Variants in ZC3H12D observed in about 807,000 individuals in gnomAD.
ZC3H12D encodes the protein zinc finger CCCH-type containing 12D, also known as probable ribonuclease ZC3H12D.
A neutral mutation model predicts 24.2 loss-of-function variants in ZC3H12D; 11 were observed. The ratio of observed to expected loss-of-function variants is 0.46; its 90% confidence interval spans 0.29 to 0.75. The LOEUF is 0.75. ZC3H12D is among the 30% of genes least tolerant of loss of function. The pLI is 0.11. For missense variants in ZC3H12D, 740 were observed against 767.7 expected, an observed-to-expected ratio of 0.96 and a Z score of 0.43; for synonymous variants, 333 against 341.8, an observed-to-expected ratio of 0.97 and a Z score of 0.28.
intron 5 of ZC3H12D, 122 bp from the exon 6 acceptor site, chr6:149,451,601 G>T: frequency 1.2e-6 from 1 of 853,340 alleles, no homozygotes; most frequent in Non-Finnish European, 1.7e-6. Context: ...CTCCAAGCAG[G>T]CCCCCAGGCC....
chr6:149,453,707 A>G (rs1257065178), intron 4 of ZC3H12D, among the ~76,000 whole-genome samples: 2 of 152,152 alleles, frequency 1.3e-5, no homozygotes, highest in Non-Finnish European at 1.5e-5. Flanking sequence ...CTGGCTTCCC[A>G]CTGTCCTCAA....
chr6:149,458,414 C>T (rs1002768575), intron 3 of ZC3H12D, among the ~76,000 whole-genome samples: 3 of 152,076 alleles, frequency 2.0e-5, no homozygotes, highest in Admixed American at 2.0e-4. Context: ...GGATTACAGG[C>T]GTGAGTCACC....
chr6:149,470,201 A>G (rs1776222940), intron 2 of ZC3H12D, among the ~76,000 whole-genome samples: 1 of 152,148 alleles, frequency 6.6e-6, no homozygotes, highest in South Asian at 2.1e-4. Context: ...TCTACTAAAA[A>G]TACAAAAAAT....
intron 1 of ZC3H12D, among the ~76,000 whole-genome samples, chr6:149,481,415 C>T (rs1277874477): frequency 4.6e-5 from 7 of 150,734 alleles, no homozygotes; most frequent in Non-Finnish European, 8.8e-5. Context: ...TGCTCTGTCG[C>T]CCAGGCTGGA....
chr6:149,450,817 C>A lies in ZC3H12D; in HGVS notation c.1450G>T (p.Ala484Ser). 6.5e-7 allele frequency: 1 copy of A among 1,547,598 alleles called. No homozygotes were observed. Reference sequence around the variant, plus strand: ...TCACGCGGGAAGACGCTGTAGAGCGCGATGCGAGCCCGGGCGCGCGCGTCC... The same window carrying A: ...TCACGCGGGAAGACGCTGTAGAGCGAGATGCGAGCCCGGGCGCGCGCGTCC... ...EGDARARARI[A>S]LYSVFPRDQV... The change falls in exon 6 of 6, where the codon GCG becomes TCG. Residue 484 changes from alanine (A) to serine (S), a missense_variant. Physicochemically the swap from Ala to Ser is moderately conservative, Grantham distance 99. Transcript: ENST00000409806.
chr6:149,456,746 G>A lies in ZC3H12D; in HGVS notation c.600C>T (p.Tyr200=), dbSNP rs781042133. The A allele has an allele frequency of 2.5e-6, 4 of 1,613,706 alleles. No homozygotes were observed. In the African/African-American group the frequency reaches 5.3e-5, roughly 22 times the overall value. The change falls in exon 4 of 6, where the codon TAC becomes TAT. Residue 200 remains tyrosine (Y), a synonymous_variant. Coordinates refer to ENST00000409806, the MANE Select transcript of ZC3H12D (RefSeq NM_207360.3). The surrounding 1 kb of genome is among the most constrained non-coding windows in gnomAD (Gnocchi z 4.3). The part of the protein sequence containing the change: ...QDGVIVSNDN[Y]RDLQSENPEW... ...CGGGGTTCTCGCTCTGCAGGTCCCG[G>A]TAGTTGTCGTTGGAGACGATGACGC...
At chr6:149,455,375 T>G (rs1775962878) in intron 4 of ZC3H12D, among the ~76,000 whole-genome samples, 1 of 152,148 alleles carries the variant, frequency 6.6e-6, no homozygotes, top group Non-Finnish European at 1.5e-5. Context: ...GTCCCGGCCC[T>G]CACAGAGCTG....
At chr6:149,459,130 T>C (rs892313440) in intron 3 of ZC3H12D, among the ~76,000 whole-genome samples, 1 of 146,710 alleles carries the variant, frequency 6.8e-6, no homozygotes, top group Non-Finnish European at 1.5e-5. Flanking sequence ...TAGTCAAATG[T>C]ATTCATCTTT....
rs1562472119 is a variant in ZC3H12D, at chr6:149,456,421, G to C, written c.680+245C>G. Among the ~76,000 whole-genome samples, 1 of 151,936 alleles carries C rather than the reference G, an allele frequency of 6.6e-6. No homozygotes were observed. Among genetic ancestry groups the C allele is most frequent in the Non-Finnish European group, 1.5e-5 (1 of 67,964 alleles). On this transcript the variant is annotated intron_variant, in intron 4 of 5. Transcript: ENST00000409806. This position sits in a 1 kb window ranked among gnomAD's most constrained non-coding sequence, Gnocchi z 4.3. ...CCCTAAACACATGCTTGCATGCTTG[G>C]CCCACCTCTTGGGCTTCTCTGTGGT...
At chr6:149,466,182 G>A (rs1435508252) in intron 2 of ZC3H12D, among the ~76,000 whole-genome samples, 5 of 151,906 alleles carry the variant, frequency 3.3e-5, no homozygotes, top group African/African-American at 1.2e-4. Context: ...CCCGTTTAGA[G>A]GCCAGGCCAG....
At chr6:149,458,111 C>CTCGTTTCTTTTTTTTTTTTTTTTTT (rs1246641761) in intron 3 of ZC3H12D, among the ~76,000 whole-genome samples, 1 of 80,240 alleles carries the variant, frequency 1.2e-5, no homozygotes, top group African/African-American at 4.6e-5. Context: ...CTTTCTTTTT[C>CTCGTTTCTTTTTTTTTTTTTTTTTT]TTTTTTTTTT....
intron 3 of ZC3H12D, chr6:149,461,567 G>C (rs1330668242): frequency 1.2e-5 from 3 of 260,634 alleles, no homozygotes; most frequent in African/African-American, 6.7e-5. Context: ...CAAAAGAGTA[G>C]TTTGTTCATT....
chr6:149,481,889 T>C (rs1365707788), intron 1 of ZC3H12D, among the ~76,000 whole-genome samples: 1 of 152,246 alleles, frequency 6.6e-6, no homozygotes, highest in East Asian at 1.9e-4. Context: ...CTGGGTCAGG[T>C]GACTTCTCTT....
In ZC3H12D at chr6:149,451,193, CA is replaced by C. The variant is rs1459169825; in HGVS notation, c.1073del (p.Leu358ArgfsTer140). On this transcript the variant is annotated frameshift_variant, in exon 6 of 6. Transcript: ENST00000409806. LOFTEE classifies it low-confidence loss of function (END_TRUNC). ...RLAFSDDLGP[L>X]GPPLPVPACS... Reference sequence around the variant, plus strand: ...AGGCGGGGACCGGGAGAGGCGGCCCCAGGGGCCCCAGGTCGTCGCTGAAGGC... The same window carrying C: ...AGGCGGGGACCGGGAGAGGCGGCCCCGGGGCCCCAGGTCGTCGCTGAAGGC... 3.1e-6 allele frequency: 4 copies of C among 1,310,654 alleles called. No individual in the cohort carries two copies. Among genetic ancestry groups the C allele is most frequent in the Non-Finnish European group, 3.9e-6 (4 of 1,035,840 alleles). The allele number at this position is 1,310,654 out of a possible 1,614,324, so 81.2% of individuals were successfully genotyped here.
intron 1 of ZC3H12D, among the ~76,000 whole-genome samples, chr6:149,478,523 A>G (rs1186589362): frequency 4.6e-5 from 7 of 152,224 alleles, no homozygotes; most frequent in Admixed American, 4.6e-4. Flanking sequence ...CTAATAAAGT[A>G]CATATCCAGC....
At chr6:149,466,141 G>A (rs1371790916) in intron 2 of ZC3H12D, among the ~76,000 whole-genome samples, 5 of 152,070 alleles carry the variant, frequency 3.3e-5, no homozygotes, top group African/African-American at 1.2e-4. Flanking sequence ...CTTTAAGCCA[G>A]CATGGCTCCC....
Position 149,450,994 on chromosome 6 carries a change from C to G in ZC3H12D, c.1273G>C (p.Asp425His). 1.3e-6 allele frequency: 2 copies of G among 1,518,794 alleles called. No individual in the cohort carries two copies. The highest frequency in any genetic ancestry group is 1.8e-6 in the Non-Finnish European group (2 of 1,137,492). 94.1% of individuals were successfully genotyped at this position (1,518,794 alleles called of 1,614,324 possible). ...GGTGGCCTGCGCGGGGAAAGCAAGT[C>G]GCCGTGCAGGTCCCTAGGGCGGTGT... ...GEHRPRDLHG[D>H]LLSPRRPPDD... The change falls in exon 6 of 6, where the codon GAC (aspartate) becomes CAC (histidine). Residue 425 changes from aspartate (D) to histidine (H), a missense_variant. Physicochemically the swap from Asp to His is moderately conservative, Grantham distance 81 (BLOSUM62 -1). Coordinates refer to ENST00000409806, the MANE Select transcript of ZC3H12D (RefSeq NM_207360.3).
chr6:149,478,539 A>T (rs1223254296), intron 1 of ZC3H12D, among the ~76,000 whole-genome samples: 1 of 152,200 alleles, frequency 6.6e-6, no homozygotes, highest in East Asian at 1.9e-4. Context: ...CCAGCGATAG[A>T]TAGAATCCAC....
intron 1 of ZC3H12D, among the ~76,000 whole-genome samples, chr6:149,481,255 AAG>A (rs1189591911): frequency 5.3e-5 from 8 of 151,926 alleles, no homozygotes; most frequent in African/African-American, 1.7e-4. Flanking sequence ...AAGAAAAAGA[AAG>A]AAAGGAAGAG....
Sources: allele counts gnomAD v4.1 joint callset (sites outside exome capture counted in the v4.1 genomes callset), GRCh38; gene constraint gnomAD v4.1.1; non-coding constraint Gnocchi (gnomAD v3.1); transcripts MANE v1.5; gene names NCBI Gene and HGNC (gene_info 2026-07-23, HGNC 2026-07-21).